MICAL3: variants seen among roughly 807,000 people sequenced by gnomAD.
MICAL3 encodes the protein microtubule associated monooxygenase, calponin and LIM domain containing 3.
Under a neutral mutation model 207.4 loss-of-function variants are expected in MICAL3, and 62 were observed. The ratio of observed to expected loss-of-function variants is 0.30; its 90% CI spans 0.24 to 0.37. MICAL3 has a LOEUF of 0.37. MICAL3 is among the 10% of genes least tolerant of loss of function. The pLI is 1.00. For synonymous variants in MICAL3, 1,077 were observed against 1,069.3 expected (o/e 1.01, Z -0.14); for missense variants, 2,368 against 2,635.6 (o/e 0.90, Z 2.22).
At chr22:17,874,036 C>T (rs949560230) in intron 16 of MICAL3, among the ~76,000 whole-genome samples, 16 of 152,168 alleles carry the variant, frequency 1.1e-4, no homozygotes, top group Admixed American at 4.6e-4. Flanking sequence ...CATAAGGCCT[C>T]GTGTGAGGAA....
At position 17,906,884 on chromosome 22, in the gene MICAL3, A is replaced by T; in HGVS notation, c.-72T>A. 7.1e-7 allele frequency: 1 copy of T among 1,413,186 alleles called. No individual in the cohort carries two copies. Among genetic ancestry groups the T allele is most frequent in the Non-Finnish European group, 9.6e-7 (1 of 1,042,486 alleles). The allele number at this position is 1,413,186 out of a possible 1,614,324, so 87.5% of individuals were successfully genotyped here. On this transcript the variant is annotated splice_region_variant and 5_prime_UTR_variant, in exon 2 of 32. Transcript: ENST00000441493. ...TGGGTCCACCTGACACTGTCACGTT[A>T]ATCTGACAAAAAGAAAGAAAAACGT...
In MICAL3 at chr22:17,841,769, G is replaced by A; in HGVS notation, c.2801+53C>T. The A allele has an allele frequency of 1.3e-6, 2 of 1,518,200 alleles. No homozygotes were observed. Among genetic ancestry groups the A allele is most frequent in the Non-Finnish European group, 1.8e-6 (2 of 1,123,326 alleles). The allele number at this position is 1,518,200 out of a possible 1,614,324, so 94.0% of individuals were successfully genotyped here. ...AGAAACCGAGACACACAGAGGTGAG[G>A]AGGCTCTTAGGGCCGTGTGGCGGGT... On this transcript the variant is annotated intron_variant, in intron 20 of 31. Coordinates refer to ENST00000441493, the MANE Select transcript of MICAL3 (RefSeq NM_015241.3). This position sits in a 1 kb window ranked among gnomAD's most constrained non-coding sequence, Gnocchi z 4.2.
intron 1 of MICAL3, among the ~76,000 whole-genome samples, chr22:17,998,485 A>T (rs568639536): frequency 6.6e-6 from 1 of 151,898 alleles, no homozygotes; most frequent in Non-Finnish European, 1.5e-5. Flanking sequence ...GTCATGAAAA[A>T]GCTTTCACTT....
chr22:18,000,334 C>T (rs1922800941), intron 1 of MICAL3, among the ~76,000 whole-genome samples: 1 of 152,108 alleles, frequency 6.6e-6, no homozygotes, highest in African/African-American at 2.4e-5. Flanking sequence ...CAATTAACAT[C>T]TGCATTAAAC....
intron 1 of MICAL3, among the ~76,000 whole-genome samples, chr22:17,974,487 G>T (rs1365095915): frequency 6.6e-6 from 1 of 152,216 alleles, no homozygotes; most frequent in Non-Finnish European, 1.5e-5. Flanking sequence ...CAAAGGAGGA[G>T]AATTGCTTGA....
chr22:17,844,652 A>G (rs1265520207), intron 19 of MICAL3, among the ~76,000 whole-genome samples: 2 of 152,218 alleles, frequency 1.3e-5, no homozygotes, highest in African/African-American at 4.8e-5. Context: ...AAACACGAAT[A>G]CTTGAGTTCA....
intron 29 of MICAL3, among the ~76,000 whole-genome samples, chr22:17,795,483 T>C (rs926185796): frequency 2.0e-5 from 3 of 152,196 alleles, no homozygotes; most frequent in Admixed American, 6.5e-5. Context: ...TTACAACACG[T>C]GTTTCTGCTT....
At chr22:17,856,237 G>A (rs994473584) in intron 19 of MICAL3, among the ~76,000 whole-genome samples, 14 of 152,260 alleles carry the variant, frequency 9.2e-5, no homozygotes, top group African/African-American at 3.1e-4. Context: ...CAGGAGTGAC[G>A]GCACTGCAAG....
intron 1 of MICAL3, among the ~76,000 whole-genome samples, chr22:17,965,937 A>G (rs1935122874): frequency 6.6e-6 from 1 of 152,158 alleles, no homozygotes; most frequent in East Asian, 1.9e-4. Flanking sequence ...ACCAACCACC[A>G]CGGGACCAAC....
intron 17 of MICAL3, among the ~76,000 whole-genome samples, chr22:17,871,355 G>C (rs1927706189): frequency 6.6e-6 from 1 of 152,180 alleles, no homozygotes; most frequent in Non-Finnish European, 1.5e-5. Flanking sequence ...AGATCAGACA[G>C]ATGCCAGAGA....
chr22:17,809,633 C>CAAAAG (rs1331307474), intron 28 of MICAL3, among the ~76,000 whole-genome samples: 1 of 151,948 alleles, frequency 6.6e-6, no homozygotes, highest in Non-Finnish European at 1.5e-5. Flanking sequence ...CCGTCTCAAA[C>CAAAAG]AAAACAAAAC....
intron 1 of MICAL3, among the ~76,000 whole-genome samples, chr22:17,956,270 AACAG>A (rs1049010890): frequency 8.5e-5 from 13 of 152,220 alleles, no homozygotes; most frequent in African/African-American, 2.9e-4. Context: ...ACAACTTCCA[AACAG>A]ACAGTTGCAG....
At chr22:17,867,752 G>A (rs1435360304) in intron 17 of MICAL3, among the ~76,000 whole-genome samples, 1 of 152,200 alleles carries the variant, frequency 6.6e-6, no homozygotes, top group Non-Finnish European at 1.5e-5. Context: ...ACTGCTCTCT[G>A]GATGGAAGCT....
chr22:17,958,396 C>G (rs1569147053), intron 1 of MICAL3, among the ~76,000 whole-genome samples: 1 of 152,198 alleles, frequency 6.6e-6, no homozygotes, highest in South Asian at 2.1e-4. Context: ...GAGGCAGTTA[C>G]GGAAGAAAGA....
intron 3 of MICAL3, among the ~76,000 whole-genome samples, chr22:17,903,427 C>T (rs1010997075): frequency 2.0e-5 from 3 of 152,132 alleles, no homozygotes; most frequent in Non-Finnish European, 4.4e-5. Context: ...AGATCTAGGC[C>T]CTGGTAGAAG....
At chr22:17,863,737 A>C (rs1366944130) in intron 19 of MICAL3, 1 of 985,266 alleles carries the variant, frequency 1.0e-6, no homozygotes, top group Non-Finnish European at 1.2e-6. Flanking sequence ...AATGAGCACC[A>C]CAAGGCCTAC....
At position 17,818,189 on chromosome 22, in the gene MICAL3, G is replaced by A. The variant is rs765136460; in HGVS notation, c.4472C>T (p.Pro1491Leu). The change falls in exon 26 of 32, where the codon CCC becomes CTC. Residue 1491 changes from proline to leucine, a missense_variant. Coordinates refer to ENST00000441493, the MANE Select transcript of MICAL3 (RefSeq NM_015241.3). ...CCGGGGGGGCCGCATCCAGGTGGCG[G>A]GCAAGGGCGGCGGGACCACCGAGGC... ...PNASVVPPPL[P>L]ATWMRPPREP... The A allele has an allele frequency of 1.3e-6, 2 of 1,566,510 alleles. No homozygotes were observed. Among genetic ancestry groups the A allele is most frequent in the Non-Finnish European group, 1.7e-6 (2 of 1,161,808 alleles).
chr22:17,984,930 C>G (rs1421521083), intron 1 of MICAL3, among the ~76,000 whole-genome samples: 5 of 152,112 alleles, frequency 3.3e-5, no homozygotes, highest in African/African-American at 7.2e-5. Flanking sequence ...CCAGGCCCTC[C>G]ACCTCTCAGT....
intron 19 of MICAL3, 24 bp from the exon 20 acceptor site, chr22:17,842,041 T>G (rs1174030565): frequency 6.3e-7 from 1 of 1,584,654 alleles, no homozygotes; most frequent in Admixed American, 1.7e-5. Flanking sequence ...ACAGAAGCAC[T>G]GCACTGAGGT....
Sources: gnomAD v4.1 joint callset for allele counts (sites outside exome capture counted in the v4.1 genomes callset) on GRCh38, gnomAD v4.1.1 for gene constraint, Gnocchi (gnomAD v3.1) non-coding constraint, MANE v1.5 for transcripts, NCBI Gene and HGNC (gene_info 2026-07-23, HGNC 2026-07-21) for gene names.